The following MECOM variants were observed in gnomAD, a reference collection of about 807,000 sequenced individuals.
MECOM encodes the protein histone-lysine N-methyltransferase MECOM.
In MECOM, 13 loss-of-function variants were observed where a neutral mutation model predicts 116.3. The ratio of observed to expected loss-of-function variants is 0.11; its 90% CI spans 0.07 to 0.18. The LOEUF is 0.18. Among genes scored for constraint, MECOM ranks in the 10% least tolerant of loss-of-function variants. MECOM has a pLI of 1.00. For missense variants in MECOM, 1,299 were observed against 1,509.0 expected, an observed-to-expected ratio of 0.86 and a Z score of 2.31; for synonymous variants, 528 against 535.2, an observed-to-expected ratio of 0.99 and a Z score of 0.19.
At chr3:169,108,505 T>C (rs1232555191) in intron 9 of MECOM, among the ~76,000 whole-genome samples, 1 of 152,162 alleles carries the variant, frequency 6.6e-6, no homozygotes, top group Admixed American at 6.6e-5. Flanking sequence ...TAAAAAGATC[T>C]AGCTCTTAAT....
At chr3:169,163,493 C>T (rs1215726515) in intron 2 of MECOM, among the ~76,000 whole-genome samples, 1 of 152,006 alleles carries the variant, frequency 6.6e-6, no homozygotes, top group African/African-American at 2.4e-5. Flanking sequence ...TTATTAAGTG[C>T]CTATTCTATG....
At chr3:169,383,018 C>A (rs1286096824) in intron 1 of MECOM, among the ~76,000 whole-genome samples, 3 of 151,832 alleles carry the variant, frequency 2.0e-5, no homozygotes, top group Admixed American at 6.6e-5. Flanking sequence ...AAGACCCTAC[C>A]AACCCCGCAG....
At chr3:169,433,240 G>A (rs758161550) in intron 1 of MECOM, among the ~76,000 whole-genome samples, 7 of 152,144 alleles carry the variant, frequency 4.6e-5, no homozygotes, top group Non-Finnish European at 8.8e-5. Context: ...AGGCCAAGGC[G>A]GGTGGATCAC....
chr3:169,339,614 C>T (rs143539235), intron 2 of MECOM, among the ~76,000 whole-genome samples: 32 of 152,156 alleles, frequency 2.1e-4, no homozygotes, highest in African/African-American at 7.0e-4. Context: ...GGAACTACTG[C>T]GACAGAAACT....
intron 2 of MECOM, among the ~76,000 whole-genome samples, chr3:169,244,902 T>C (rs1478055866): frequency 6.6e-6 from 1 of 152,210 alleles, no homozygotes; most frequent in African/African-American, 2.4e-5. Context: ...GGAGTTAGCA[T>C]TTCAAAGCTT....
chr3:169,511,238 A>G (rs1425381926), intron 1 of MECOM, among the ~76,000 whole-genome samples: 2 of 152,220 alleles, frequency 1.3e-5, no homozygotes, highest in Admixed American at 6.5e-5. Flanking sequence ...AGTAAGTTAA[A>G]ACAGTAATTA....
chr3:169,434,083 T>C (rs1240492729), intron 1 of MECOM, among the ~76,000 whole-genome samples: 1 of 152,226 alleles, frequency 6.6e-6, no homozygotes, highest in African/African-American at 2.4e-5. Flanking sequence ...TTTTCAAATT[T>C]AGTTTATTTA....
At chr3:169,649,899 T>C (rs935438010) in intron 1 of MECOM, among the ~76,000 whole-genome samples, 1 of 152,250 alleles carries the variant, frequency 6.6e-6, no homozygotes, top group Non-Finnish European at 1.5e-5. Flanking sequence ...CAATCTGATA[T>C]AATCCAATGA....
rs184030390 is a variant in MECOM, at chr3:169,438,000, C to A, written c.38-56476G>T. On this transcript the variant is annotated intron_variant, in intron 1 of 16. Coordinates refer to ENST00000651503, the MANE Select transcript of MECOM (RefSeq NM_004991.4). ...GCCAAACACTAGTTTTAGCACTCTA[C>A]GTATATTAGCTCATTTAATCCTCAT... Among the ~76,000 whole-genome samples, 4 of 152,168 alleles carry A rather than the reference C, an allele frequency of 2.6e-5. No individual in the cohort carries two copies. In the East Asian group the frequency reaches 7.7e-4, roughly 29 times the overall value.
chr3:169,350,557 G>A (rs1209891466), intron 2 of MECOM, among the ~76,000 whole-genome samples: 5 of 151,940 alleles, frequency 3.3e-5, no homozygotes, highest in African/African-American at 1.2e-4. Context: ...GGTGTTATAA[G>A]TGTGAAATAC....
chr3:169,099,407 C>A (rs1576898522), intron 12 of MECOM, among the ~76,000 whole-genome samples: 1 of 152,052 alleles, frequency 6.6e-6, no homozygotes, highest in South Asian at 2.1e-4. Flanking sequence ...TAAAACTTCC[C>A]AGTATTACAT....
At position 169,322,997 on chromosome 3, in the gene MECOM, T is replaced by TAAAAAA. The variant is rs748984561; in HGVS notation, c.375+58184_375+58189dup. Among the ~76,000 whole-genome samples the TAAAAAA allele has an allele frequency of 5.9e-4, 33 of 56,038 alleles. 2 individuals are homozygous for TAAAAAA. The highest frequency in any genetic ancestry group is 2.0e-3 in the African/African-American group (29 of 14,254). 36.8% of individuals were successfully genotyped at this position (56,038 alleles called of 152,430 possible). ...CCTGCATGACAGAGCAAGACTCCGG[T>TAAAAAA]AAAAAAAAAAAAAAAAAAAAAAAAA... On this transcript the variant is annotated intron_variant, in intron 2 of 16. Coordinates refer to ENST00000651503, the MANE Select transcript of MECOM (RefSeq NM_004991.4).
At chr3:169,643,684 C>G (rs1405542896) in intron 1 of MECOM, among the ~76,000 whole-genome samples, 1 of 152,192 alleles carries the variant, frequency 6.6e-6, no homozygotes, top group Non-Finnish European at 1.5e-5. Flanking sequence ...TAACTGAGGG[C>G]ATCATGACAA....
intron 2 of MECOM, among the ~76,000 whole-genome samples, chr3:169,367,445 A>T (rs1234088432): frequency 6.6e-6 from 1 of 151,762 alleles, no homozygotes; most frequent in Non-Finnish European, 1.5e-5. Flanking sequence ...CCAGATTTAT[A>T]TGCTTACCTA....
At chr3:169,260,411 C>A (rs1253746747) in intron 2 of MECOM, among the ~76,000 whole-genome samples, 1 of 151,254 alleles carries the variant, frequency 6.6e-6, no homozygotes, top group Non-Finnish European at 1.5e-5. Context: ...ACAGGCGTTT[C>A]TCATTTTCCA....
rs117452451 is a variant in MECOM at position 169,602,424 on chromosome 3, G to T, written c.37+60912C>A. 0.016 allele frequency among the ~76,000 whole-genome samples: 2,398 copies of T among 152,296 alleles called. 217 individuals are homozygous for T. The East Asian group carries it at 0.28, about 18-fold the overall frequency. On this transcript the variant is annotated intron_variant, in intron 1 of 16. Coordinates refer to ENST00000651503, the MANE Select transcript of MECOM (RefSeq NM_004991.4). Reference sequence around the variant, plus strand: ...TATACCCCTTCTCACTGGCTAGTCAGGGACCTGACTCCTTTATCCACCAAT... The same window carrying T: ...TATACCCCTTCTCACTGGCTAGTCATGGACCTGACTCCTTTATCCACCAAT...
intron 2 of MECOM, among the ~76,000 whole-genome samples, chr3:169,177,980 TAA>T (rs1745417790): frequency 6.6e-6 from 1 of 151,684 alleles, no homozygotes; most frequent in Non-Finnish European, 1.5e-5. Flanking sequence ...ATACGCAAGA[TAA>T]AAAGAAGAAA....
At chr3:169,177,914 G>T (rs1233703260) in intron 2 of MECOM, among the ~76,000 whole-genome samples, 4 of 146,132 alleles carry the variant, frequency 2.7e-5, no homozygotes, top group African/African-American at 7.6e-5. Context: ...AGCTAGACTT[G>T]GTCTCAAAAA....
At chr3:169,588,739 CA>C (rs2109613014) in intron 1 of MECOM, among the ~76,000 whole-genome samples, 1 of 152,226 alleles carries the variant, frequency 6.6e-6, no homozygotes, top group Admixed American at 6.5e-5. Context: ...ACGTTTTCCA[CA>C]GTTAATTAAT....
Sources: gnomAD v4.1 joint callset for allele counts (sites outside exome capture counted in the v4.1 genomes callset) on GRCh38, gnomAD v4.1.1 for gene constraint, MANE v1.5 for transcripts, NCBI Gene and HGNC (gene_info 2026-07-23, HGNC 2026-07-21) for gene names.